Variants in CSRP1 observed in about 807,000 individuals in gnomAD.
CSRP1 encodes the protein cysteine and glycine-rich protein 1.
CSRP1 carries 16 observed loss-of-function variants against 25.4 expected under a neutral mutation model. The ratio of observed to expected loss-of-function variants is 0.63; its 90% confidence interval spans 0.43 to 0.96. The LOEUF (loss-of-function observed/expected upper bound fraction) is 0.96. Among genes scored for constraint, CSRP1 ranks in the 40% least tolerant of loss-of-function variants. CSRP1 has a pLI of 0.00. For synonymous variants in CSRP1, 97 were observed against 95.3 expected, an observed-to-expected ratio of 1.02 and a Z score of -0.10; for missense variants, 212 against 243.6, an observed-to-expected ratio of 0.87 and a Z score of 0.86.
rs1571771908 is a variant in CSRP1 at position 201,485,364 on chromosome 1, C to A, written c.424G>T (p.Ala142Ser). The A allele has an allele frequency of 6.2e-7, 1 of 1,614,148 alleles. No homozygotes were observed. Among genetic ancestry groups the A allele is most frequent in the Non-Finnish European group, 8.5e-7 (1 of 1,180,010 alleles). Reference sequence around the variant, plus strand: ...CCACACTTGGCACATCGAAAGCAGGCCTTATGCCAGGACTAGGCAGGGAAG... The same window carrying A: ...CCACACTTGGCACATCGAAAGCAGGACTTATGCCAGGACTAGGCAGGGAAG... ...VIGAGKSWHKACFRCAKCGKG... is the reference protein window; with the variant it reads ...VIGAGKSWHKSCFRCAKCGKG... Residue 142 changes from alanine (A) to serine (S), a missense_variant, in exon 5 of 6, where the codon GCC becomes TCC. Physicochemically the swap from Ala to Ser is moderately conservative, Grantham distance 99. Coordinates refer to ENST00000340006, the MANE Select transcript of CSRP1 (RefSeq NM_004078.3).
At chr1:201,485,023 T>G (rs530355312) in intron 5 of CSRP1, among the ~76,000 whole-genome samples, 102 of 152,122 alleles carry the variant, frequency 6.7e-4, no homozygotes, top group African/African-American at 2.5e-3. Context: ...AGAAGCATCA[T>G]CTGCTGTAAG....
At chr1:201,504,409 G>A (rs563327892) in intron 1 of CSRP1, among the ~76,000 whole-genome samples, 13 of 152,296 alleles carry the variant, frequency 8.5e-5, no homozygotes, top group Non-Finnish European at 1.9e-4. Context: ...AACACTTATC[G>A]TTCAGGTTTG....
intron 1 of CSRP1, among the ~76,000 whole-genome samples, chr1:201,496,775 A>G (rs55798543): frequency 0.027 from 4,075 of 151,362 alleles, 188 homozygotes; most frequent in African/African-American, 0.093. Flanking sequence ...ATGGACATAT[A>G]GGTGGAAAAG....
intron 1 of CSRP1, among the ~76,000 whole-genome samples, chr1:201,506,470 C>T (rs1664829579): frequency 6.6e-6 from 1 of 152,228 alleles, no homozygotes; most frequent in South Asian, 2.1e-4. Context: ...GTGCTCAATA[C>T]CAGCCCCTTT....
chr1:201,495,048 C>T (rs770961519), intron 2 of CSRP1, among the ~76,000 whole-genome samples: 4 of 152,110 alleles, frequency 2.6e-5, no homozygotes, highest in East Asian at 1.9e-4. Flanking sequence ...TAATAAACAC[C>T]GAATCTTTTT....
chr1:201,502,335 G>C, intron 1 of CSRP1, among the ~76,000 whole-genome samples: 1 of 152,242 alleles, frequency 6.6e-6, no homozygotes, highest in East Asian at 1.9e-4. Flanking sequence ...GTGGACAGGA[G>C]GGCTGGCATC....
intron 1 of CSRP1, among the ~76,000 whole-genome samples, chr1:201,500,532 TGGG>T (rs765334668): frequency 6.6e-6 from 1 of 152,248 alleles, no homozygotes; most frequent in East Asian, 1.9e-4. Flanking sequence ...AGGGCGAGGG[TGGG>T]GGGTCTCCCC....
In CSRP1 at chr1:201,484,395, T is replaced by C; in HGVS notation, c.*318A>G. On this transcript the variant is annotated 3_prime_UTR_variant, in exon 6 of 6. Coordinates refer to ENST00000340006, the MANE Select transcript of CSRP1 (RefSeq NM_004078.3). Reference sequence around the variant, plus strand: ...CTCAGGTGTCTTGGTCAGCTGATGATGGACACGCAGCACAGGAGGCTAAGA... The same window carrying C: ...CTCAGGTGTCTTGGTCAGCTGATGACGGACACGCAGCACAGGAGGCTAAGA... 1 of 498,644 alleles carries C rather than the reference T, an allele frequency of 2.0e-6. No individual in the cohort carries two copies. The highest frequency in any genetic ancestry group is 3.0e-5 in the East Asian group (1 of 33,148). The allele number at this position is 498,644 out of a possible 1,614,324, so 30.9% of individuals were successfully genotyped here.
rs71564149 is a variant in CSRP1 at position 201,497,358 on chromosome 1, CAAAAAAAAAA to C, written c.-1-1064_-1-1055del. Among the ~76,000 whole-genome samples the C allele has an allele frequency of 9.0e-5, 4 of 44,584 alleles. 1 individual carries two copies. The highest frequency in any genetic ancestry group is 1.2e-4 in the Non-Finnish European group (3 of 25,040). The allele number at this position is 44,584 out of a possible 152,430, so 29.2% of individuals were successfully genotyped here. ...TGGGCAACAGAACAAGACTCTGTCT[CAAAAAAAAAA>C]AAAAAAAAAAAAAAAGGCAGGAGGT... On this transcript the variant is annotated intron_variant, in intron 1 of 5. Coordinates refer to ENST00000340006, the MANE Select transcript of CSRP1 (RefSeq NM_004078.3).
intron 2 of CSRP1, among the ~76,000 whole-genome samples, chr1:201,494,435 T>G (rs888323034): frequency 1.3e-5 from 2 of 152,218 alleles, no homozygotes; most frequent in African/African-American, 2.4e-5. Context: ...AGTAGTGAAC[T>G]GCTGATAACA....
chr1:201,495,662 G>A (rs1664486752), intron 2 of CSRP1: 1 of 152,352 alleles, frequency 6.6e-6, no homozygotes. Context: ...CTTAGGAGTA[G>A]ATATCAGGGA....
At chr1:201,485,560 C>T in intron 4 of CSRP1, 184 bp from the exon 5 acceptor site, 5 of 589,600 alleles carry the variant, frequency 8.5e-6, no homozygotes, top group South Asian at 6.2e-5. Context: ...GGCCAGGGAC[C>T]ACACGCCACC....
chr1:201,502,512 A>T (rs1664700985), intron 1 of CSRP1, among the ~76,000 whole-genome samples: 2 of 152,180 alleles, frequency 1.3e-5, no homozygotes, highest in Non-Finnish European at 2.9e-5. Context: ...GGTCACGGGT[A>T]GGGGGAGAAT....
intron 1 of CSRP1, among the ~76,000 whole-genome samples, chr1:201,500,279 C>G (rs907540175): frequency 6.6e-6 from 1 of 152,228 alleles, no homozygotes; most frequent in Admixed American, 6.5e-5. Context: ...GGTTGGGAGC[C>G]AGTTCCAAGC....
At chr1:201,498,497 G>A (rs375455269) in intron 1 of CSRP1, among the ~76,000 whole-genome samples, 6 of 152,198 alleles carry the variant, frequency 3.9e-5, no homozygotes, top group East Asian at 1.9e-4. Context: ...GTTGAAAACC[G>A]GGATGTGGCA....
chr1:201,505,173 T>C (rs1397815854), intron 1 of CSRP1, among the ~76,000 whole-genome samples: 1 of 152,096 alleles, frequency 6.6e-6, no homozygotes, highest in African/African-American at 2.4e-5. Context: ...TCTACCCAAG[T>C]GGAAAAACTG....
At chr1:201,488,667 G>A in intron 4 of CSRP1, 188 bp downstream of exon 4, 1 of 555,940 alleles carries the variant, frequency 1.8e-6, no homozygotes. Context: ...TACTGCTCAT[G>A]GCTGATATGA....
chr1:201,486,683 G>A, intron 4 of CSRP1: 1 of 1,037,588 alleles, frequency 9.6e-7, no homozygotes. Flanking sequence ...CCACCTCCCT[G>A]CCAAAATAAG....
intron 4 of CSRP1, chr1:201,486,523 G>T: frequency 2.0e-6 from 2 of 985,636 alleles, no homozygotes; most frequent in African/African-American, 1.7e-5. Context: ...GAAATGGGGG[G>T]ACCTGGGTCT....
Sources: allele counts gnomAD v4.1 joint callset (sites outside exome capture counted in the v4.1 genomes callset), GRCh38; gene constraint gnomAD v4.1.1; transcripts MANE v1.5; gene names NCBI Gene and HGNC (gene_info 2026-07-23, HGNC 2026-07-21).